SFI1: variants seen among roughly 807,000 people sequenced by gnomAD.
The protein encoded by SFI1 is SFI1 centrin binding protein.
A neutral mutation model predicts 207.5 loss-of-function variants in SFI1; 195 were observed. The observed-to-expected ratio is 0.94, with a 90% CI of 0.84 to 1.06. The LOEUF is 1.06. Among genes scored for constraint, SFI1 ranks in the 50% least tolerant of loss-of-function variants. The probability of loss-of-function intolerance (pLI) is 0.00; values close to 1 mark genes in which losing one functional copy is unlikely to be tolerated. For synonymous variants in SFI1, 630 were observed against 598.9 expected, an observed-to-expected ratio of 1.05 and a Z score of -0.76; for missense variants, 1,634 against 1,588.0, an observed-to-expected ratio of 1.03 and a Z score of -0.49.
chr22:31,601,181 T>G (rs1238075160), intron 15 of SFI1, among the ~76,000 whole-genome samples: 1 of 143,910 alleles, frequency 6.9e-6, no homozygotes, highest in Non-Finnish European at 1.5e-5. Flanking sequence ...TGGAGTGCAG[T>G]GGCACGATCT....
In SFI1 at chr22:31,531,062, G is replaced by T. The variant is rs376015266; in HGVS notation, c.271G>T (p.Val91Leu). 9 of 1,610,870 alleles carry T rather than the reference G, an allele frequency of 5.6e-6. No individual in the cohort carries two copies. Among genetic ancestry groups the T allele is most frequent in the Non-Finnish European group, 5.9e-6 (7 of 1,179,132 alleles). The change falls in exon 4 of 33, where the codon GTG becomes TTG. Residue 91 changes from valine (V) to leucine (L), a missense_variant. Coordinates refer to ENST00000400288, the MANE Select transcript of SFI1 (RefSeq NM_001007467.3). ...TGCTTTTTTTCCTTCTTTCAGATGC[G>T]TGGCCAGAAAGTTCTTATATTTATG... ...GRLRELRIRC[V>L]ARKFLYLWIR...
intron 12 of SFI1, among the ~76,000 whole-genome samples, chr22:31,583,407 G>A (rs978349885): frequency 1.3e-5 from 2 of 152,258 alleles, no homozygotes; most frequent in East Asian, 1.9e-4. Context: ...GAGCTACTGC[G>A]CCCAGCCCAG....
chr22:31,531,248 G>T, intron 4 of SFI1, 119 bp downstream of exon 4: 1 of 747,696 alleles, frequency 1.3e-6, no homozygotes, highest in Non-Finnish European at 2.2e-6. Flanking sequence ...CCAGCCTCCA[G>T]TAGGTAGAAG....
chr22:31,576,261 G>GT (rs2063487306), intron 10 of SFI1, among the ~76,000 whole-genome samples: 1 of 151,462 alleles, frequency 6.6e-6, no homozygotes, highest in Non-Finnish European at 1.5e-5. Flanking sequence ...TTGACTTCAG[G>GT]TGATCCACCC....
chr22:31,610,273 G>A (rs1469908185), intron 22 of SFI1, among the ~76,000 whole-genome samples: 1 of 152,196 alleles, frequency 6.6e-6, no homozygotes, highest in Non-Finnish European at 1.5e-5. Flanking sequence ...GTGACCTCCA[G>A]CAGGCCCCCT....
At chr22:31,558,134 C>G (rs183438247) in intron 7 of SFI1, among the ~76,000 whole-genome samples, 5 of 152,218 alleles carry the variant, frequency 3.3e-5, no homozygotes, top group African/African-American at 9.6e-5. Context: ...AATAGTTACA[C>G]CATACTTAAA....
rs77563671 is a variant in SFI1 at position 31,542,297 on chromosome 22, G to A, written c.339-4564G>A. 3.3e-3 allele frequency among the ~76,000 whole-genome samples: 498 copies of A among 151,494 alleles called. 3 individuals are homozygous for A. The highest frequency in any genetic ancestry group is 0.011 in the African/African-American group (443 of 41,176). ...TATGTACACAAATGTGTGTGTGTGT[G>A]TATATTTGATGTATTCCAACATATG... On this transcript the variant is annotated intron_variant, in intron 4 of 32. Transcript: ENST00000400288.
rs1054908843 is a variant in SFI1 at position 31,526,763 on chromosome 22, A to G, written c.93-1927A>G. Among the ~76,000 whole-genome samples the G allele has an allele frequency of 1.2e-3, 186 of 152,180 alleles. 3 individuals carry two copies. The highest frequency in any genetic ancestry group is 1.2e-4 in the Non-Finnish European group (8 of 68,002). The stretch of plus-strand genomic sequence containing the variant: ...TTTTTAGTAGAGACGGGGTTTCACC[A>G]TGTTGTCCAAGCTGGTCTCAAATTC... On this transcript the variant is annotated intron_variant, in intron 2 of 32. Coordinates refer to ENST00000400288, the MANE Select transcript of SFI1 (RefSeq NM_001007467.3).
intron 4 of SFI1, 66 bp downstream of exon 4, chr22:31,531,195 C>T (rs1333139875): frequency 7.4e-6 from 10 of 1,353,092 alleles, no homozygotes; most frequent in African/African-American, 1.5e-5. Context: ...TATATTAAGC[C>T]TGTATATAAA....
rs577294289 is a variant in SFI1, at chr22:31,548,762, T to C, written c.450-1492T>C. Among the ~76,000 whole-genome samples, 211 of 151,118 alleles carry C rather than the reference T, an allele frequency of 1.4e-3. 1 individual carries two copies. The highest frequency in any genetic ancestry group is 4.9e-3 in the African/African-American group (202 of 41,098). On this transcript the variant is annotated intron_variant, in intron 5 of 32. Coordinates refer to ENST00000400288, the MANE Select transcript of SFI1 (RefSeq NM_001007467.3). ...AGTCGGAGGTTGCAGTGGGCCAAGA[T>C]CATGCCACTGCACTCCAGTCTGGAC...
At chr22:31,592,887 C>G (rs867652908) in intron 15 of SFI1, among the ~76,000 whole-genome samples, 51 of 86,914 alleles carry the variant, frequency 5.9e-4, no homozygotes, top group African/African-American at 8.9e-4. Context: ...CCCGGACGGG[C>G]TGGCTGGCCG....
In SFI1 at chr22:31,613,215, A is replaced by C; in HGVS notation, c.2564A>C (p.Lys855Thr). ...TTCTGGGCCTTCTCGCTGCAGGCAA[A>C]GGTAATTGGGGCTCTGCATCCTACC... The part of the protein sequence containing the change: ...LWFWAFSLQA[K>T]VWATWLAFVL... The change falls in exon 25 of 33, where the codon AAG becomes ACG. Residue 855 changes from lysine (K) to threonine (T), a missense_variant and splice_region_variant. Coordinates refer to ENST00000400288, the MANE Select transcript of SFI1 (RefSeq NM_001007467.3). The C allele has an allele frequency of 6.2e-7, 1 of 1,613,710 alleles. No homozygotes were observed.
intron 29 of SFI1, chr22:31,616,465 G>T: frequency 2.6e-6 from 1 of 391,956 alleles, no homozygotes; most frequent in Non-Finnish European, 4.6e-6. Context: ...GGCAAGGCTA[G>T]GAACAGCTGC....
At chr22:31,531,524 C>G (rs1306216400) in intron 4 of SFI1, among the ~76,000 whole-genome samples, 1 of 152,180 alleles carries the variant, frequency 6.6e-6, no homozygotes, top group African/African-American at 2.4e-5. Flanking sequence ...CTTTGGGAGG[C>G]CGAGGCGGGT....
intron 2 of SFI1, among the ~76,000 whole-genome samples, chr22:31,511,441 C>G (rs5998021): frequency 0.47 from 69,410 of 148,696 alleles, 16,713 homozygotes; most frequent in Middle Eastern, 0.59. Context: ...AGCTCTGTGG[C>G]CTCTAACTCT....
intron 1 of SFI1, chr22:31,497,192 A>G (rs921095705): frequency 6.6e-6 from 1 of 151,624 alleles, no homozygotes; most frequent in East Asian, 1.9e-4. Context: ...TATTTGTTGA[A>G]TGAATGATGT....
At chr22:31,614,567 CAA>C (rs1345580055) in intron 27 of SFI1, 5 of 697,590 alleles carry the variant, frequency 7.2e-6, no homozygotes, top group Non-Finnish European at 1.3e-5. Flanking sequence ...TTCTGCAGGT[CAA>C]AAGAGACAAT....
At position 31,617,161 on chromosome 22, in the gene SFI1, C is replaced by T. The variant is rs559010880; in HGVS notation, c.3512+83C>T. On this transcript the variant is annotated intron_variant, in intron 31 of 32. Coordinates refer to ENST00000400288, the MANE Select transcript of SFI1 (RefSeq NM_001007467.3). ...GGTGGGCAGGCAGTTCCATTTCCCC[C>T]GAGCCAGCTGCCAGGGTCCTGTAGG... is the stretch of plus-strand genomic sequence containing the variant. 2.0e-5 allele frequency: 30 copies of T among 1,469,178 alleles called. No homozygotes were observed. The East Asian group carries it at 2.3e-4, about 11-fold the overall frequency. 91.0% of individuals were successfully genotyped at this position (1,469,178 alleles called of 1,614,324 possible).
intron 17 of SFI1, among the ~76,000 whole-genome samples, chr22:31,603,020 G>A (rs1233820207): frequency 6.6e-6 from 1 of 152,216 alleles, no homozygotes; most frequent in Non-Finnish European, 1.5e-5. Flanking sequence ...ATCACCAGAG[G>A]TCAGGAGTTC....
Sources: gnomAD v4.1 joint callset for allele counts (sites outside exome capture counted in the v4.1 genomes callset) on GRCh38, gnomAD v4.1.1 for gene constraint, MANE v1.5 for transcripts, NCBI Gene and HGNC (gene_info 2026-07-23, HGNC 2026-07-21) for gene names.